ABCC5: variants seen among roughly 807,000 people sequenced by gnomAD.
ABCC5 encodes ATP-binding cassette sub-family C member 5.
ABCC5 carries 61 observed loss-of-function variants against 160.9 expected under a neutral mutation model. The observed-to-expected ratio is 0.38, with a 90% CI of 0.31 to 0.47. The LOEUF (loss-of-function observed/expected upper bound fraction) is 0.47, where lower values mean the gene tolerates loss of function less well. Ranked by LOEUF, ABCC5 falls within the 20% of genes least tolerant of loss-of-function variation. The pLI is 0.99. For missense variants in ABCC5, 1,308 were observed against 1,813.3 expected (o/e 0.72, Z 5.06); for synonymous variants, 666 against 700.6 (o/e 0.95, Z 0.78).
chr3:183,952,142 CTCTTTT>C (rs1559999176), intron 18 of ABCC5, 139 bp from the exon 19 acceptor site: 186 of 586,336 alleles, frequency 3.2e-4, no homozygotes, highest in Non-Finnish European at 4.1e-4. Context: ...CTTTGTCCAC[CTCTTTT>C]TTTTTTTTTT....
At position 183,957,395 on chromosome 3, in the gene ABCC5, T is replaced by G. The variant is rs1461566923; in HGVS notation, c.2482+2338A>C. Reference sequence around the variant, plus strand: ...GTGTATATCACATCGGTTACATGCTTATCCGTGTGTATATCACATCGGTTA... The same window carrying G: ...GTGTATATCACATCGGTTACATGCTGATCCGTGTGTATATCACATCGGTTA... On this transcript the variant is annotated intron_variant, in intron 17 of 29. Coordinates refer to ENST00000334444, the MANE Select transcript of ABCC5 (RefSeq NM_005688.4). Among the ~76,000 whole-genome samples the G allele has an allele frequency of 9.6e-5, 10 of 103,706 alleles. No individual in the cohort carries two copies. In the East Asian group the frequency reaches 1.3e-3, roughly 13 times the overall value. The allele number at this position is 103,706 out of a possible 152,430, so 68.0% of individuals were successfully genotyped here.
Position 184,014,774 on chromosome 3 carries a change from GT to G in ABCC5, c.-55-328del, listed in dbSNP as rs4148558. Among the ~76,000 whole-genome samples the G allele has an allele frequency of 9.7e-4, 144 of 148,454 alleles. 1 individual carries two copies. The highest frequency in any genetic ancestry group is 3.1e-3 in the African/African-American group (124 of 40,520). ...TCCAGTGTATACAATAGAAAGGTTG[GT>G]TTTTTTTTTAAAGACTTTCTAGAAA... On this transcript the variant is annotated intron_variant, in intron 1 of 29. Coordinates refer to ENST00000334444, the MANE Select transcript of ABCC5 (RefSeq NM_005688.4).
chr3:183,974,556 G>A (rs1718051066), intron 10 of ABCC5, among the ~76,000 whole-genome samples: 1 of 152,126 alleles, frequency 6.6e-6, no homozygotes, highest in African/African-American at 2.4e-5. Context: ...AGATCCACCT[G>A]CTCAGCCTCC....
intron 29 of ABCC5, among the ~76,000 whole-genome samples, chr3:183,923,483 C>T (rs930464562): frequency 2.6e-5 from 4 of 152,016 alleles, no homozygotes; most frequent in African/African-American, 4.8e-5. Context: ...ATTAGCCAGG[C>T]ATGGTGGCAC....
At chr3:184,010,442 A>T (rs1721633304) in intron 2 of ABCC5, 1 of 152,260 alleles carries the variant, frequency 6.6e-6, no homozygotes, top group South Asian at 2.1e-4. Context: ...CTGACTCCAT[A>T]TCCTTTAGGG....
chr3:183,963,709 A>G lies in ABCC5; in HGVS notation c.2032-121T>C. ...AGCTCCTTCTGTCAATTCCCCGCAG[A>G]TGAACTGCCATGCTGATTCCCCGCA... On this transcript the variant is annotated intron_variant, in intron 14 of 29. Coordinates refer to ENST00000334444, the MANE Select transcript of ABCC5 (RefSeq NM_005688.4). The surrounding 1 kb of genome is among the most constrained non-coding windows in gnomAD (Gnocchi z 4.6). 1 of 836,036 alleles carries G rather than the reference A, an allele frequency of 1.2e-6. No individual in the cohort carries two copies. The highest frequency in any genetic ancestry group is 1.8e-6 in the Non-Finnish European group (1 of 568,968). The allele number at this position is 836,036 out of a possible 1,614,324, so 51.8% of individuals were successfully genotyped here.
chr3:183,963,441 C>T lies in ABCC5; in HGVS notation c.2179G>A (p.Ala727Thr). The change falls in exon 15 of 30, where the codon GCT (alanine) becomes ACT (threonine). Residue 727 changes from alanine (A) to threonine (T), a missense_variant. By Grantham distance (58) the Ala-to-Thr change is moderately conservative. Around this residue, in one of 3 missense-constraint regions of ABCC5, gnomAD observed 1,142 missense variants for 1,527.1 expected, o/e 0.75. Transcript: ENST00000334444. This position sits in a 1 kb window ranked among gnomAD's most constrained non-coding sequence, Gnocchi z 4.6. The stretch of plus-strand genomic sequence containing the variant: ...TTGGACTTGAGATGTTTCCGGATAG[C>T]ACTATTGAAGATGTGGTTGCCCACA... ...AHVGNHIFNS[A>T]IRKHLKSKTV... 8 of 1,614,248 alleles carry T rather than the reference C, an allele frequency of 5.0e-6. No individual in the cohort carries two copies. The highest frequency in any genetic ancestry group is 6.8e-6 in the Non-Finnish European group (8 of 1,180,058).
chr3:183,971,544 C>T lies in ABCC5; in HGVS notation c.1761+19G>A, dbSNP rs142294585. On this transcript the variant is annotated intron_variant, in intron 11 of 29. Transcript: ENST00000334444. ...GGGTGGTGGGGTGCGGGCAGGGAGG[C>T]AGGGGGCGGACCACTTACCTCTTGG... 1 of 1,605,570 alleles carries T rather than the reference C, an allele frequency of 6.2e-7. No individual in the cohort carries two copies. Among genetic ancestry groups the T allele is most frequent in the Non-Finnish European group, 8.5e-7 (1 of 1,176,350 alleles).
At chr3:183,979,785 T>C (rs1284057177) in intron 8 of ABCC5, among the ~76,000 whole-genome samples, 1 of 152,102 alleles carries the variant, frequency 6.6e-6, no homozygotes, top group African/African-American at 2.4e-5. Context: ...CAGTACGTTG[T>C]CCAGGCTGGT....
At chr3:183,928,004 A>C (rs1042755145) in intron 27 of ABCC5, 1 of 174,220 alleles carries the variant, frequency 5.7e-6, no homozygotes, top group Non-Finnish European at 1.1e-5. Context: ...TGTAGACTGC[A>C]GCTGCTCGTG....
intron 2 of ABCC5, among the ~76,000 whole-genome samples, chr3:183,996,828 C>T (rs1288704030): frequency 6.6e-6 from 1 of 152,234 alleles, no homozygotes; most frequent in Non-Finnish European, 1.5e-5. Context: ...AACCTTGCTA[C>T]TCTAAGCAAC....
In ABCC5 at chr3:183,921,518, A is replaced by G. The variant is rs2108750695; in HGVS notation, c.4213-117T>C. ...GAGGGTAGAATCTGGGGACAATTCA[A>G]CTAGCCCTGCGTGCACCTCCCCCCT... On this transcript the variant is annotated intron_variant, in intron 29 of 29. Coordinates refer to ENST00000334444, the MANE Select transcript of ABCC5 (RefSeq NM_005688.4). The surrounding 1 kb of genome is among the most constrained non-coding windows in gnomAD (Gnocchi z 4.1). 1.2e-6 allele frequency: 1 copy of G among 820,378 alleles called. No homozygotes were observed. Among genetic ancestry groups the G allele is most frequent in the South Asian group, 2.6e-5 (1 of 38,614 alleles). The allele number at this position is 820,378 out of a possible 1,614,324, so 50.8% of individuals were successfully genotyped here. A position where few individuals can be genotyped will look rare whatever the true frequency, so the allele number is the denominator to read the frequency against.
intron 12 of ABCC5, 75 bp downstream of exon 12, chr3:183,967,620 G>A: frequency 7.6e-7 from 1 of 1,321,192 alleles, no homozygotes; most frequent in Non-Finnish European, 1.1e-6. Context: ...GACTCTCCAG[G>A]AAATTTGTTC....
In ABCC5 at chr3:183,956,479, T is replaced by A. The variant is rs182228892; in HGVS notation, c.2483-3209A>T. Among the ~76,000 whole-genome samples the A allele has an allele frequency of 1.5e-3, 217 of 141,414 alleles. 4 individuals are homozygous for A. The highest frequency in any genetic ancestry group is 5.4e-3 in the African/African-American group (201 of 37,364). 92.8% of individuals were successfully genotyped at this position (141,414 alleles called of 152,430 possible). ...TCGGTTACATGCGGATCCGTGTGTA[T>A]ATCACATCTGTTACATGCGGATCCG... On this transcript the variant is annotated intron_variant, in intron 17 of 29. Coordinates refer to ENST00000334444, the MANE Select transcript of ABCC5 (RefSeq NM_005688.4).
At chr3:183,937,470 T>A (rs1050175844) in intron 26 of ABCC5, among the ~76,000 whole-genome samples, 1 of 152,228 alleles carries the variant, frequency 6.6e-6, no homozygotes, top group Non-Finnish European at 1.5e-5. Flanking sequence ...TCAATGAGGC[T>A]GATGACAGCA....
intron 2 of ABCC5, chr3:184,006,510 T>A (rs1721224026): frequency 6.6e-6 from 1 of 152,114 alleles, no homozygotes; most frequent in Non-Finnish European, 1.5e-5. Flanking sequence ...AATTCACACG[T>A]CCTTAGTCTG....
At chr3:183,930,043 T>C (rs1713026169) in intron 26 of ABCC5, among the ~76,000 whole-genome samples, 1 of 105,956 alleles carries the variant, frequency 9.4e-6, no homozygotes, top group South Asian at 2.9e-4. Flanking sequence ...ACGGCTTGTC[T>C]TGATCTACAC....
In ABCC5 at chr3:183,953,814, C is replaced by T. The variant is rs182121872; in HGVS notation, c.2483-544G>A. Among the ~76,000 whole-genome samples the T allele has an allele frequency of 5.0e-3, 767 of 152,266 alleles. 11 individuals are homozygous for T. Among genetic ancestry groups the T allele is most frequent in the African/African-American group, 0.017 (714 of 41,530 alleles). ...AGCAAAACACACCACCACAGTGATTCGGCACAGCTGGAACAGATGTGCACT... is the reference window on the plus strand; with the variant it reads ...AGCAAAACACACCACCACAGTGATTTGGCACAGCTGGAACAGATGTGCACT... On this transcript the variant is annotated intron_variant, in intron 17 of 29. Transcript: ENST00000334444.
intron 2 of ABCC5, among the ~76,000 whole-genome samples, chr3:183,996,395 AT>A (rs1720289067): frequency 1.3e-5 from 2 of 152,222 alleles, no homozygotes; most frequent in African/African-American, 2.4e-5. Flanking sequence ...ACTAAAACCT[AT>A]TCATAGAAAA....
Sources: allele counts gnomAD v4.1 joint callset (sites outside exome capture counted in the v4.1 genomes callset), GRCh38; gene constraint gnomAD v4.1.1; regional missense constraint gnomAD v4.1.1; non-coding constraint Gnocchi (gnomAD v3.1); transcripts MANE v1.5; gene names NCBI Gene and HGNC (gene_info 2026-07-23, HGNC 2026-07-21).